ANO10: variants seen among roughly 807,000 people sequenced by gnomAD.
The protein encoded by ANO10 is anoctamin-10.
A neutral mutation model predicts 74.7 loss-of-function variants in ANO10; 77 were observed. The ratio of observed to expected loss-of-function variants is 1.03; its 90% CI spans 0.86 to 1.25. The LOEUF is 1.25. Among genes scored for constraint, ANO10 ranks in the 50% most tolerant of loss-of-function variants. The pLI, the probability that ANO10 is intolerant of heterozygous loss-of-function variation, is 0.00. For synonymous variants in ANO10, 279 were observed against 284.9 expected, an observed-to-expected ratio of 0.98 and a Z score of 0.21; for missense variants, 721 against 778.1, an observed-to-expected ratio of 0.93 and a Z score of 0.87.
intron 1 of ANO10, among the ~76,000 whole-genome samples, chr3:43,607,845 T>A (rs946347322): frequency 6.6e-6 from 1 of 152,068 alleles, no homozygotes; most frequent in African/African-American, 2.4e-5. Context: ...TTTAAAAATA[T>A]GAGTCAAAAT....
intron 7 of ANO10, among the ~76,000 whole-genome samples, chr3:43,568,457 TA>T (rs1240363584): frequency 9.2e-5 from 14 of 151,968 alleles, no homozygotes; most frequent in African/African-American, 3.4e-4. Context: ...TCAGCAAATG[TA>T]AAAGAACAGA....
intron 4 of ANO10, among the ~76,000 whole-genome samples, chr3:43,591,825 G>A (rs1211187203): frequency 2.0e-5 from 3 of 152,316 alleles, no homozygotes; most frequent in Admixed American, 6.5e-5. Flanking sequence ...AAGCACAAGG[G>A]GTCGGGGAAT....
At position 43,390,148 on chromosome 3, in the gene ANO10, G is replaced by C. The variant is rs539262246; in HGVS notation, c.1915-23174C>G. Among the ~76,000 whole-genome samples the C allele has an allele frequency of 2.0e-5, 3 of 152,356 alleles. No individual in the cohort carries two copies. In the South Asian group the frequency reaches 6.2e-4, roughly 32 times the overall value. Reference sequence around the variant, plus strand: ...CCACCTATGGTATTTAAAATGTGCTGAGGAATGTGCAGTCCCTGGGAGAGT... The same window carrying C: ...CCACCTATGGTATTTAAAATGTGCTCAGGAATGTGCAGTCCCTGGGAGAGT... On this transcript the variant is annotated intron_variant, in intron 12 of 12. Transcript: ENST00000292246.
At chr3:43,458,516 T>A (rs2149018013) in intron 11 of ANO10, among the ~76,000 whole-genome samples, 1 of 152,302 alleles carries the variant, frequency 6.6e-6, no homozygotes, top group East Asian at 1.9e-4. Context: ...CTGAAAATAT[T>A]TCTACATAGG....
intron 4 of ANO10, among the ~76,000 whole-genome samples, chr3:43,592,844 C>A (rs1418288938): frequency 6.6e-6 from 1 of 152,114 alleles, no homozygotes. Context: ...CGCAAACAAG[C>A]TAAAAACTTT....
At chr3:43,529,226 A>G (rs1197575857) in intron 11 of ANO10, among the ~76,000 whole-genome samples, 1 of 152,248 alleles carries the variant, frequency 6.6e-6, no homozygotes, top group Non-Finnish European at 1.5e-5. Flanking sequence ...GTGGAGGGGC[A>G]TTTTCAAGAA....
rs1219295511 is a variant in ANO10, at chr3:43,559,730, C to T, written c.1476+1490G>A. 2.0e-5 allele frequency among the ~76,000 whole-genome samples: 3 copies of T among 152,040 alleles called. 1 individual carries two copies. The highest frequency in any genetic ancestry group is 4.4e-5 in the Non-Finnish European group (3 of 67,994). On this transcript the variant is annotated intron_variant, in intron 9 of 12. Transcript: ENST00000292246. ...AAAAGAAATGTGGCCAAGAATACCA[C>T]CCCCAAGCATAGGCAAGGAAAGGAT... is the stretch of plus-strand genomic sequence containing the variant.
At chr3:43,571,499 G>A (rs1464681009) in intron 7 of ANO10, among the ~76,000 whole-genome samples, 1 of 152,096 alleles carries the variant, frequency 6.6e-6, no homozygotes, top group South Asian at 2.1e-4. Flanking sequence ...GGAATACTAC[G>A]CAGCCAGAAA....
chr3:43,630,883 CT>C (rs148788800), intron 1 of ANO10, among the ~76,000 whole-genome samples: 5,547 of 151,848 alleles, frequency 0.037, 178 homozygotes, highest in Non-Finnish European at 0.051. Flanking sequence ...TCTTTGATGC[CT>C]TTTTTTTCCC....
intron 11 of ANO10, among the ~76,000 whole-genome samples, chr3:43,453,827 G>T (rs988460994): frequency 6.6e-6 from 1 of 151,882 alleles, no homozygotes; most frequent in Non-Finnish European, 1.5e-5. Context: ...CCTTATGCCG[G>T]TATTACATAT....
chr3:43,394,824 T>C (rs1381953055), intron 12 of ANO10, among the ~76,000 whole-genome samples: 1 of 152,218 alleles, frequency 6.6e-6, no homozygotes, highest in Non-Finnish European at 1.5e-5. Context: ...GGCAAGGTCC[T>C]ACCACTAATA....
intron 11 of ANO10, among the ~76,000 whole-genome samples, chr3:43,534,489 CAA>C (rs2078615021): frequency 7.7e-6 from 1 of 129,372 alleles, no homozygotes. Flanking sequence ...AGAGAGCGCG[CAA>C]GAGAGAACGG....
At chr3:43,578,749 C>CAAAAAAAAAAAAAAAAAAAAAAAAAA (rs56186109) in intron 5 of ANO10, among the ~76,000 whole-genome samples, 2 of 64,442 alleles carry the variant, frequency 3.1e-5, no homozygotes, top group Admixed American at 2.7e-4. Context: ...GACTCCATCT[C>CAAAAAAAAAAAAAAAAAAAAAAAAAA]AAAAAAAAAA....
chr3:43,570,241 G>A (rs1313818610), intron 7 of ANO10, among the ~76,000 whole-genome samples: 6 of 145,058 alleles, frequency 4.1e-5, no homozygotes, highest in Admixed American at 6.9e-5. Context: ...TCAATATTGT[G>A]AAAATGGCCA....
chr3:43,642,365 TAAATAATAA>T (rs1256590893), intron 1 of ANO10, among the ~76,000 whole-genome samples: 6 of 152,190 alleles, frequency 3.9e-5, no homozygotes, highest in Non-Finnish European at 1.5e-5. Flanking sequence ...TAATACTATA[TAAATAATAA>T]ATTACTGACT....
rs761789296 is a variant in ANO10 at position 43,555,286 on chromosome 3, C to T, written c.1660G>A (p.Val554Met). Reference sequence around the variant, plus strand: ...TTTTCTCAAACAATTACCTGCCACACACCAATATTGGCTGAAGGTTCTGAG... The same window carrying T: ...TTTTCTCAAACAATTACCTGCCACATACCAATATTGGCTGAAGGTTCTGAG... The part of the protein sequence containing the change: ...PFSEPSANIG[V>M]WQLAFETMSV... Residue 554 changes from valine (V) to methionine (M), a missense_variant, in exon 10 of 13, where the codon GTG becomes ATG. By Grantham distance (21) the Val-to-Met change is conservative. Transcript: ENST00000292246. The T allele has an allele frequency of 1.9e-6, 3 of 1,613,908 alleles. No homozygotes were observed. Among genetic ancestry groups the T allele is most frequent in the East Asian group, 2.2e-5 (1 of 44,874 alleles).
intron 11 of ANO10, among the ~76,000 whole-genome samples, chr3:43,546,185 G>A (rs2079182866): frequency 6.6e-6 from 1 of 152,184 alleles, no homozygotes; most frequent in Non-Finnish European, 1.5e-5. Context: ...GGACCCATCT[G>A]TGCCAATATA....
chr3:43,566,567 C>G (rs1221323481), intron 7 of ANO10, among the ~76,000 whole-genome samples: 1 of 152,214 alleles, frequency 6.6e-6, no homozygotes, highest in Non-Finnish European at 1.5e-5. Context: ...CACCCCCCAG[C>G]AGGGGTACAC....
intron 4 of ANO10, among the ~76,000 whole-genome samples, chr3:43,581,740 C>T (rs1310025317): frequency 2.0e-5 from 3 of 151,820 alleles, no homozygotes; most frequent in Non-Finnish European, 4.4e-5. Context: ...GGTACCATCA[C>T]AAGACCTCCA....
Sources: gnomAD v4.1 joint callset for allele counts (sites outside exome capture counted in the v4.1 genomes callset) on GRCh38, gnomAD v4.1.1 for gene constraint, MANE v1.5 for transcripts, NCBI Gene and HGNC (gene_info 2026-07-23, HGNC 2026-07-21) for gene names.